GALK2: variants seen among roughly 807,000 people sequenced by gnomAD.
The protein encoded by GALK2 is N-acetylgalactosamine kinase.
In GALK2, 36 loss-of-function variants were observed where a neutral mutation model predicts 52.4. The ratio of observed to expected loss-of-function variants is 0.69; its 90% CI spans 0.53 to 0.91. The LOEUF (loss-of-function observed/expected upper bound fraction) is 0.91. Among genes scored for constraint, GALK2 ranks in the 40% least tolerant of loss-of-function variants. The pLI is 0.00. For missense variants in GALK2, 579 were observed against 559.1 expected (o/e 1.04, Z -0.36); for synonymous variants, 176 against 199.1 (o/e 0.88, Z 0.98).
chr15:49,313,317 G>A (rs2036145393), intron 8 of GALK2, among the ~76,000 whole-genome samples: 1 of 152,248 alleles, frequency 6.6e-6, no homozygotes, highest in African/African-American at 2.4e-5. Flanking sequence ...TAATCTTTGT[G>A]TAGTGGATGT....
rs184556192 is a variant in GALK2 at position 49,224,186 on chromosome 15, A to T, written c.266+6873A>T. On this transcript the variant is annotated intron_variant, in intron 3 of 9. Transcript: ENST00000560031. ...TATACTTTGCCCATTTTTAAGTGGG[A>T]TTATTTGTTTTTTGCTTGTTTATTT... Among the ~76,000 whole-genome samples the T allele has an allele frequency of 2.7e-4, 37 of 136,588 alleles. No individual in the cohort carries two copies. In the East Asian group the frequency reaches 4.3e-3, roughly 16 times the overall value. The allele number at this position is 136,588 out of a possible 152,430, so 89.6% of individuals were successfully genotyped here.
At chr15:49,209,112 G>A (rs938651340) in intron 2 of GALK2, among the ~76,000 whole-genome samples, 14 of 152,026 alleles carry the variant, frequency 9.2e-5, no homozygotes, top group African/African-American at 2.4e-4. Context: ...TCCTTTTTGC[G>A]GTTCTCTATC....
intron 5 of GALK2, among the ~76,000 whole-genome samples, chr15:49,269,300 A>G (rs946999571): frequency 6.6e-5 from 10 of 152,304 alleles, no homozygotes; most frequent in African/African-American, 2.2e-4. Context: ...TACTTCTTCC[A>G]TAGGGTATAT....
At chr15:49,366,742 G>T in intron 3 of GALK2, 1 of 894,466 alleles carries the variant, frequency 1.1e-6, no homozygotes, top group South Asian at 1.5e-5. Context: ...GGGGTAGGCT[G>T]GGAGTCCCGC....
At chr15:49,351,631 A>G (rs1385329747) in intron 3 of GALK2, among the ~76,000 whole-genome samples, 1 of 152,240 alleles carries the variant, frequency 6.6e-6, no homozygotes, top group Non-Finnish European at 1.5e-5. Context: ...GACAAAGATC[A>G]GCGTGTAGGA....
chr15:49,351,640 G>C (rs907144887), intron 3 of GALK2, among the ~76,000 whole-genome samples: 1 of 152,172 alleles, frequency 6.6e-6, no homozygotes, highest in African/African-American at 2.4e-5. Flanking sequence ...CAGCGTGTAG[G>C]AGGCTTATTT....
intron 2 of GALK2, among the ~76,000 whole-genome samples, chr15:49,204,577 C>T (rs1251448475): frequency 6.6e-6 from 1 of 151,968 alleles, no homozygotes; most frequent in Non-Finnish European, 1.5e-5. Context: ...CCTAGATATT[C>T]ATTTTTTTTA....
At chr15:49,350,037 A>G (rs1455170377) in intron 3 of GALK2, among the ~76,000 whole-genome samples, 1 of 152,200 alleles carries the variant, frequency 6.6e-6, no homozygotes, top group Non-Finnish European at 1.5e-5. Flanking sequence ...AACTTCTAAA[A>G]TTAGAAGGCT....
intron 4 of GALK2, among the ~76,000 whole-genome samples, chr15:49,236,844 C>A (rs568676179): frequency 6.6e-6 from 1 of 152,312 alleles, no homozygotes; most frequent in Admixed American, 6.5e-5. Context: ...GACTTAGTGG[C>A]ACATCCATTA....
intron 1 of GALK2, chr15:49,156,019 ATTAT>A: frequency 6.2e-7 from 1 of 1,614,104 alleles, no homozygotes; most frequent in Non-Finnish European, 8.5e-7. Flanking sequence ...TATGACAGGT[ATTAT>A]TTCTGCTATC....
At chr15:49,273,988 G>A (rs2031213974) in intron 5 of GALK2, among the ~76,000 whole-genome samples, 1 of 152,144 alleles carries the variant, frequency 6.6e-6, no homozygotes, top group Admixed American at 6.5e-5. Flanking sequence ...TTGTAGCTGT[G>A]CTGTTGCTGC....
intron 8 of GALK2, among the ~76,000 whole-genome samples, chr15:49,315,132 TTAAGA>T (rs139385636): frequency 0.06 from 9,176 of 152,282 alleles, 550 homozygotes; most frequent in African/African-American, 0.15. Context: ...CAGTAATTAT[TTAAGA>T]TTCACATTGG....
At chr15:49,201,374 T>C (rs1016937573) in intron 2 of GALK2, 124 bp downstream of exon 2, 28 of 561,574 alleles carry the variant, frequency 5.0e-5, no homozygotes, top group Non-Finnish European at 8.4e-5. Flanking sequence ...CTACTAATAG[T>C]AAGATGTGCC....
chr15:49,336,768 C>G (rs1250299152), downstream of GALK2, among the ~76,000 whole-genome samples: 1 of 152,020 alleles, frequency 6.6e-6, no homozygotes, highest in Non-Finnish European at 1.5e-5. Context: ...GGGTATATTT[C>G]ACGATATTGA....
In GALK2 at chr15:49,328,843, C is replaced by CATGTA; in HGVS notation, c.*687_*691dup. 1.5e-6 allele frequency: 2 copies of CATGTA among 1,372,958 alleles called. No homozygotes were observed. The highest frequency in any genetic ancestry group is 5.1e-5 in the East Asian group (2 of 39,254). 85.0% of individuals were successfully genotyped at this position (1,372,958 alleles called of 1,614,324 possible). A position where few individuals can be genotyped will look rare whatever the true frequency, so the allele number is the denominator to read the frequency against. ...CAGACTCATTTGAATATTTGTAAAC[C>CATGTA]ATGTAATATATAAATAACCACTTTC... On this transcript the variant is annotated 3_prime_UTR_variant, in exon 10 of 10. Coordinates refer to ENST00000560031, the MANE Select transcript of GALK2 (RefSeq NM_002044.4).
chr15:49,305,902 T>C (rs1442238426), intron 8 of GALK2, among the ~76,000 whole-genome samples: 9 of 152,206 alleles, frequency 5.9e-5, no homozygotes, highest in South Asian at 2.1e-4. Flanking sequence ...TTTGTAATCA[T>C]GGAGTGCTGT....
At chr15:49,171,637 A>G (rs181024991) in intron 1 of GALK2, among the ~76,000 whole-genome samples, 7 of 152,300 alleles carry the variant, frequency 4.6e-5, no homozygotes, top group Non-Finnish European at 1.0e-4. Flanking sequence ...ATGTTTTAAT[A>G]TACTCTAGAG....
At chr15:49,178,167 CAAAA>C (rs376324541) in intron 1 of GALK2, among the ~76,000 whole-genome samples, 1 of 66,610 alleles carries the variant, frequency 1.5e-5, no homozygotes, top group Non-Finnish European at 2.7e-5. Context: ...GACTCTGTTT[CAAAA>C]AAAAAAAAAA....
At chr15:49,157,102 A>G (rs762817351) in intron 1 of GALK2, among the ~76,000 whole-genome samples, 5 of 152,232 alleles carry the variant, frequency 3.3e-5, no homozygotes, top group Non-Finnish European at 5.9e-5. Flanking sequence ...TACCTTTATT[A>G]TAAGTAAAAG....
Sources: allele counts gnomAD v4.1 joint callset (sites outside exome capture counted in the v4.1 genomes callset), GRCh38; gene constraint gnomAD v4.1.1; transcripts MANE v1.5; gene names NCBI Gene and HGNC (gene_info 2026-07-23, HGNC 2026-07-21).